Variants in UGGT1 observed in about 807,000 individuals in gnomAD.
UGGT1 encodes the protein UDP-glucose:glycoprotein glucosyltransferase 1.
Under a neutral mutation model 203.9 loss-of-function variants are expected in UGGT1, and 107 were observed. The observed-to-expected ratio is 0.52, with a 90% CI of 0.45 to 0.62. The LOEUF is 0.62. Among genes scored for constraint, UGGT1 ranks in the 20% least tolerant of loss-of-function variants. The pLI is 0.00. For missense variants in UGGT1, 1,673 were observed against 1,867.2 expected, an observed-to-expected ratio of 0.90 and a Z score of 1.92; for synonymous variants, 628 against 653.5, an observed-to-expected ratio of 0.96 and a Z score of 0.59.
chr2:128,183,937 T>TGTGTGTGAGAGA, intron 38 of UGGT1, 148 bp downstream of exon 38: 1 of 326,388 alleles, frequency 3.1e-6, no homozygotes, highest in South Asian at 4.3e-5. Context: ...TGTGTGTGTG[T>TGTGTGTGAGAGA]GAGAGAGAGA....
At chr2:128,100,519 G>C (rs1468643457) in intron 2 of UGGT1, among the ~76,000 whole-genome samples, 1 of 151,180 alleles carries the variant, frequency 6.6e-6, no homozygotes, top group East Asian at 1.9e-4. Context: ...CGATTCTCTT[G>C]CCTCAGCCTC....
chr2:128,149,785 CAA>C (rs930959018), intron 18 of UGGT1, among the ~76,000 whole-genome samples: 1 of 143,970 alleles, frequency 6.9e-6, no homozygotes, highest in African/African-American at 2.6e-5. Flanking sequence ...GACTCCGTCT[CAA>C]GAAAAAAAAA....
At chr2:128,109,828 C>A in intron 5 of UGGT1, 82 bp downstream of exon 5, 1 of 1,164,754 alleles carries the variant, frequency 8.6e-7, no homozygotes, top group Non-Finnish European at 1.3e-6. Flanking sequence ...ATTTTCTCAT[C>A]TGTTTTGTAT....
intron 25 of UGGT1, 23 bp from the exon 26 acceptor site, chr2:128,164,707 A>T: frequency 6.2e-7 from 1 of 1,605,086 alleles, no homozygotes; most frequent in East Asian, 2.2e-5. Flanking sequence ...AGATGTTAAG[A>T]TTTCTCTAAC....
intron 25 of UGGT1, among the ~76,000 whole-genome samples, chr2:128,163,239 C>G (rs1328993791): frequency 6.6e-6 from 1 of 152,028 alleles, no homozygotes; most frequent in African/African-American, 2.4e-5. Context: ...AGAAGTTGAA[C>G]CAAAATAGTT....
At chr2:128,118,283 C>T (rs1033807775) in intron 8 of UGGT1, among the ~76,000 whole-genome samples, 7 of 151,976 alleles carry the variant, frequency 4.6e-5, no homozygotes, top group South Asian at 2.1e-4. Flanking sequence ...AAAATTTTTT[C>T]GAGACAGGGC....
At chr2:128,093,794 C>T (rs931897291) in intron 1 of UGGT1, among the ~76,000 whole-genome samples, 7 of 152,148 alleles carry the variant, frequency 4.6e-5, no homozygotes, top group Admixed American at 6.5e-5. Flanking sequence ...TCAGCATCTT[C>T]GAGCTTTCAC....
chr2:128,124,671 A>T (rs1301272525), intron 11 of UGGT1, among the ~76,000 whole-genome samples: 20 of 119,990 alleles, frequency 1.7e-4, no homozygotes, highest in Non-Finnish European at 3.3e-4. Flanking sequence ...CTTCTTTCCT[A>T]TTCTTTTCTC....
intron 14 of UGGT1, 129 bp from the exon 15 acceptor site, chr2:128,134,747 A>G (rs1169249158): frequency 1.9e-5 from 14 of 720,136 alleles, no homozygotes; most frequent in East Asian, 2.7e-5. Context: ...TGTGTAATTC[A>G]TCTTTTATGT....
At chr2:128,173,590 C>T (rs1240171021) in intron 29 of UGGT1, among the ~76,000 whole-genome samples, 191 bp from the exon 30 acceptor site, 1 of 152,184 alleles carries the variant, frequency 6.6e-6, no homozygotes, top group East Asian at 1.9e-4. Flanking sequence ...CAGTAGCCTC[C>T]TCTCGCCTGG....
chr2:128,159,541 A>G lies in UGGT1; in HGVS notation c.2383A>G (p.Met795Val), dbSNP rs754039938. The G allele has an allele frequency of 4.3e-6, 7 of 1,614,228 alleles. No individual in the cohort carries two copies. Among genetic ancestry groups the G allele is most frequent in the Non-Finnish European group, 5.9e-6 (7 of 1,180,030 alleles). ...ATCCAGTAACAATGTTAGAATAAGC[A>G]TGATCAATAATCCTGCCAAAGAGAT... ...QKSSNNVRIS[M>V]INNPAKEISY... The change falls in exon 23 of 41, where the codon ATG becomes GTG. Residue 795 changes from methionine to valine, a missense_variant. Transcript: ENST00000259253.
chr2:128,163,788 T>C (rs1217267451), intron 25 of UGGT1, among the ~76,000 whole-genome samples: 6 of 152,222 alleles, frequency 3.9e-5, no homozygotes, highest in Non-Finnish European at 1.5e-5. Context: ...TCAGTGTTAA[T>C]TGTAATAGTG....
chr2:128,160,308 G>A, intron 23 of UGGT1, 152 bp from the exon 24 acceptor site: 1 of 738,262 alleles, frequency 1.4e-6, no homozygotes, highest in Non-Finnish European at 2.0e-6. Flanking sequence ...ATGGCGGGGA[G>A]ACTGGAGAAT....
chr2:128,113,292 T>C (rs542864027), intron 6 of UGGT1, 34 bp downstream of exon 6: 9 of 1,520,738 alleles, frequency 5.9e-6, no homozygotes, highest in Non-Finnish European at 8.0e-6. Context: ...CTGTTTTGAA[T>C]GTAATTTGCC....
chr2:128,164,126 C>G (rs1690663735), intron 25 of UGGT1, among the ~76,000 whole-genome samples: 1 of 152,142 alleles, frequency 6.6e-6, no homozygotes, highest in Non-Finnish European at 1.5e-5. Flanking sequence ...ATGCTGAGAT[C>G]AAGCCCTGGG....
intron 11 of UGGT1, among the ~76,000 whole-genome samples, chr2:128,124,559 G>A (rs551441780): frequency 6.6e-6 from 1 of 151,746 alleles, no homozygotes; most frequent in South Asian, 2.1e-4. Context: ...TTCTTTGTTT[G>A]TGTTTCTTCT....
chr2:128,146,442 T>G (rs1689694027), intron 18 of UGGT1, among the ~76,000 whole-genome samples: 1 of 152,190 alleles, frequency 6.6e-6, no homozygotes, highest in South Asian at 2.1e-4. Flanking sequence ...ATAACTAGTA[T>G]TATTGATTTC....
At chr2:128,174,393 G>A (rs897134987) in intron 30 of UGGT1, among the ~76,000 whole-genome samples, 1 of 150,580 alleles carries the variant, frequency 6.6e-6, no homozygotes, top group Non-Finnish European at 1.5e-5. Flanking sequence ...CCGCCTCCCA[G>A]GTTCAAGCAA....
chr2:128,113,142 C>G lies in UGGT1; in HGVS notation c.580C>G (p.Pro194Ala). 6.2e-7 allele frequency: 1 copy of G among 1,612,372 alleles called. No individual in the cohort carries two copies. Among genetic ancestry groups the G allele is most frequent in the Non-Finnish European group, 8.5e-7 (1 of 1,179,106 alleles). Residue 194 changes from proline to alanine, a missense_variant, in exon 6 of 41, where the codon CCT (proline) becomes GCT (alanine). This residue lies in a region of UGGT1 where 1,073 missense variants were observed against 1,078.7 expected (regional missense o/e 0.99). Transcript: ENST00000259253. ...HRYPSSNPES[P>A]VVIFYSEIGS... is the part of the protein sequence containing the mutation. ...ATATCCCTCGTCTAATCCTGAAAGCCCTGTGGTGATTTTCTACTCTGAGAT... is the reference window on the plus strand; with the variant it reads ...ATATCCCTCGTCTAATCCTGAAAGCGCTGTGGTGATTTTCTACTCTGAGAT...
Sources: gnomAD v4.1 joint callset for allele counts (sites outside exome capture counted in the v4.1 genomes callset) on GRCh38, gnomAD v4.1.1 for gene constraint, gnomAD v4.1.1 regional missense constraint, MANE v1.5 for transcripts, NCBI Gene and HGNC (gene_info 2026-07-23, HGNC 2026-07-21) for gene names.